The following FOXP1 variants were observed in gnomAD, a reference collection of about 807,000 sequenced individuals.
FOXP1 encodes forkhead box protein P1.
In FOXP1, 15 loss-of-function variants were observed where a neutral mutation model predicts 98.2. The ratio of observed to expected loss-of-function variants is 0.15; its 90% CI spans 0.10 to 0.24. FOXP1 has a LOEUF of 0.24. FOXP1 is among the 10% of genes least tolerant of loss of function. The pLI, the probability that FOXP1 is intolerant of heterozygous loss-of-function variation, is 1.00. For synonymous variants in FOXP1, 371 were observed against 314.5 expected, an observed-to-expected ratio of 1.18 and a Z score of -1.90; for missense variants, 633 against 848.5, an observed-to-expected ratio of 0.75 and a Z score of 3.15.
intron 13 of FOXP1, among the ~76,000 whole-genome samples, chr3:70,988,521 T>C (rs183872405): frequency 6.6e-6 from 1 of 152,366 alleles, no homozygotes; most frequent in African/African-American, 2.4e-5. Flanking sequence ...CAGGTAGGCA[T>C]AGATTAAGAC....
intron 3 of FOXP1, among the ~76,000 whole-genome samples, chr3:71,433,668 A>T (rs1263736502): frequency 6.6e-6 from 1 of 152,186 alleles, no homozygotes; most frequent in East Asian, 1.9e-4. Context: ...CCCTGGTGAG[A>T]TAAGTTCTCC....
intron 3 of FOXP1, among the ~76,000 whole-genome samples, chr3:71,381,625 G>A (rs1214777589): frequency 6.6e-6 from 1 of 151,742 alleles, no homozygotes; most frequent in African/African-American, 2.4e-5. Flanking sequence ...TCTATTTTTT[G>A]TAGAGACGGA....
chr3:71,459,679 C>A (rs992299955), intron 3 of FOXP1, among the ~76,000 whole-genome samples: 3 of 152,138 alleles, frequency 2.0e-5, no homozygotes, highest in East Asian at 3.9e-4. Context: ...ATTTTAGCCT[C>A]CAAATTCAAA....
chr3:71,029,835 G>A (rs2046629952), intron 11 of FOXP1, among the ~76,000 whole-genome samples: 1 of 152,172 alleles, frequency 6.6e-6, no homozygotes, highest in Non-Finnish European at 1.5e-5. Context: ...GAACTACATT[G>A]TGGTCATCTT....
chr3:70,988,834 T>C (rs911867572), intron 13 of FOXP1, among the ~76,000 whole-genome samples: 4 of 152,182 alleles, frequency 2.6e-5, no homozygotes, highest in Admixed American at 6.5e-5. Context: ...TCAAGACAGT[T>C]GGGCATAGGG....
intron 5 of FOXP1, among the ~76,000 whole-genome samples, chr3:71,226,449 C>T (rs999954408): frequency 7.5e-5 from 8 of 106,850 alleles, no homozygotes; most frequent in South Asian, 2.9e-4. Context: ...CAACTCCACC[C>T]GGCAGCCATC....
chr3:71,480,135 GAGA>G, intron 3 of FOXP1, among the ~76,000 whole-genome samples: 1 of 152,328 alleles, frequency 6.6e-6, no homozygotes, highest in Non-Finnish European at 1.5e-5. Context: ...GGCAGAGTAA[GAGA>G]AGATCGCGCC....
At chr3:71,011,119 A>T (rs920895623) in intron 12 of FOXP1, among the ~76,000 whole-genome samples, 1 of 152,198 alleles carries the variant, frequency 6.6e-6, no homozygotes, top group Non-Finnish European at 1.5e-5. Context: ...TGAATTTGTT[A>T]CATATGACCA....
At chr3:71,578,213 C>T (rs571610161) in intron 2 of FOXP1, among the ~76,000 whole-genome samples, 7 of 152,232 alleles carry the variant, frequency 4.6e-5, no homozygotes, top group South Asian at 2.1e-4. Flanking sequence ...TTAAGATTAT[C>T]GGGAGAGCAA....
intron 4 of FOXP1, among the ~76,000 whole-genome samples, chr3:71,326,308 G>A (rs1273549716): frequency 6.6e-6 from 1 of 152,152 alleles, no homozygotes; most frequent in Non-Finnish European, 1.5e-5. Flanking sequence ...GAGTTGTCCT[G>A]TACATACCCA....
rs922562999 is a variant in FOXP1, at chr3:71,583,682, G to A, written c.-558C>T. On this transcript the variant is annotated 5_prime_UTR_variant, in exon 1 of 21. Coordinates refer to ENST00000649528, the MANE Select transcript of FOXP1 (RefSeq NM_001349338.3). ...CGCACACACTCACTCGCGCACACAC[G>A]CGCGCACACACGCACTCCCGGGCGA... 1.0e-6 allele frequency: 1 copy of A among 984,354 alleles called. No homozygotes were observed. Among genetic ancestry groups the A allele is most frequent in the Admixed American group, 6.2e-5 (1 of 16,210 alleles). The allele number at this position is 984,354 out of a possible 1,614,324, so 61.0% of individuals were successfully genotyped here.
At chr3:71,220,083 C>T (rs952022592) in intron 5 of FOXP1, among the ~76,000 whole-genome samples, 1 of 152,182 alleles carries the variant, frequency 6.6e-6, no homozygotes, top group African/African-American at 2.4e-5. Flanking sequence ...TCTGGAAGAG[C>T]CCCATCAAGT....
At chr3:71,536,440 G>T (rs541428173) in intron 2 of FOXP1, among the ~76,000 whole-genome samples, 27 of 152,146 alleles carry the variant, frequency 1.8e-4, no homozygotes, top group Admixed American at 2.0e-4. Flanking sequence ...GCACAGAATC[G>T]GAATTTTAGC....
intron 16 of FOXP1, 21 bp downstream of exon 16, chr3:70,977,622 T>C (rs778879918): frequency 3.2e-6 from 5 of 1,564,082 alleles, no homozygotes; most frequent in Non-Finnish European, 3.5e-6. Context: ...CAGAATTTCA[T>C]ATACTGTGTT....
At chr3:71,215,497 T>C (rs180722502) in intron 5 of FOXP1, among the ~76,000 whole-genome samples, 82 of 152,342 alleles carry the variant, frequency 5.4e-4, no homozygotes, top group Non-Finnish European at 1.0e-3. Context: ...GAATAATGTA[T>C]GTAAAGTGTC....
At chr3:71,136,447 T>C (rs905536229) in intron 6 of FOXP1, among the ~76,000 whole-genome samples, 52 of 152,338 alleles carry the variant, frequency 3.4e-4, no homozygotes, top group Middle Eastern at 3.4e-3. Flanking sequence ...CATTGTATGA[T>C]AAACTGGCAG....
intron 3 of FOXP1, among the ~76,000 whole-genome samples, chr3:71,384,186 T>C (rs1174222106): frequency 1.3e-5 from 2 of 152,092 alleles, no homozygotes; most frequent in East Asian, 3.9e-4. Flanking sequence ...CCCGTTGCAA[T>C]CTGGGCAACA....
At chr3:71,582,476 C>T in intron 1 of FOXP1, 2 of 985,294 alleles carry the variant, frequency 2.0e-6, no homozygotes, top group South Asian at 4.7e-5. Context: ...GCAGGGAGCT[C>T]GGGAGGAAGG....
In FOXP1 at chr3:71,253,141, G is replaced by T. The variant is rs183347997; in HGVS notation, c.-12+46679C>A. 5.8e-4 allele frequency among the ~76,000 whole-genome samples: 89 copies of T among 152,204 alleles called. 2 individuals carry two copies. The highest frequency in any genetic ancestry group is 2.0e-3 in the African/African-American group (85 of 41,528). The stretch of plus-strand genomic sequence containing the variant: ...TTTAACACCAAAAGAAAAATTAAAA[G>T]GTCAAAAAAATCCTTCAAGGGAAGT... On this transcript the variant is annotated intron_variant, in intron 5 of 20. Coordinates refer to ENST00000649528, the MANE Select transcript of FOXP1 (RefSeq NM_001349338.3).
Sources: allele counts gnomAD v4.1 joint callset (sites outside exome capture counted in the v4.1 genomes callset), GRCh38; gene constraint gnomAD v4.1.1; transcripts MANE v1.5; gene names NCBI Gene and HGNC (gene_info 2026-07-23, HGNC 2026-07-21).